The following HSD17B12 variants were observed in gnomAD, a reference collection of about 807,000 sequenced individuals.
The protein encoded by HSD17B12 is very-long-chain 3-oxoacyl-CoA reductase.
HSD17B12 carries 32 observed loss-of-function variants against 39.3 expected under a neutral mutation model. The observed-to-expected ratio is 0.81, with a 90% CI of 0.61 to 1.09. HSD17B12 has a LOEUF of 1.09. HSD17B12 is among the 50% of genes least tolerant of loss of function. The pLI is 0.00. For synonymous variants in HSD17B12, 150 were observed against 146.7 expected (o/e 1.02, Z -0.16); for missense variants, 342 against 382.9 (o/e 0.89, Z 0.89).
chr11:43,712,365 T>G (rs930767678), intron 1 of HSD17B12, among the ~76,000 whole-genome samples: 2 of 151,984 alleles, frequency 1.3e-5, no homozygotes, highest in African/African-American at 4.8e-5. Context: ...AGGCGGAGGT[T>G]GTAGTGAGCT....
chr11:43,558,564 G>C, the HSD17B12 span, among the ~76,000 whole-genome samples: 1 of 152,202 alleles, frequency 6.6e-6, no homozygotes, highest in Admixed American at 6.5e-5. Context: ...GGAACACAGG[G>C]GGAGGAGGGA....
chr11:43,569,151 G>C, the HSD17B12 span, among the ~76,000 whole-genome samples: 1 of 152,106 alleles, frequency 6.6e-6, no homozygotes, highest in Non-Finnish European at 1.5e-5. Context: ...CTGGGGTTCG[G>C]GTCTCCAATT....
At chr11:43,746,118 G>A (rs1056510388) in intron 1 of HSD17B12, among the ~76,000 whole-genome samples, 20 of 152,178 alleles carry the variant, frequency 1.3e-4, no homozygotes, top group African/African-American at 4.1e-4. Context: ...TGAGTGAGTG[G>A]TGAGTGAATG....
At chr11:43,635,288 G>C in the HSD17B12 span, among the ~76,000 whole-genome samples, 4 of 152,082 alleles carry the variant, frequency 2.6e-5, no homozygotes, top group East Asian at 3.9e-4. Flanking sequence ...AATATTTTTT[G>C]TGCATGCACA....
intron 3 of HSD17B12, among the ~76,000 whole-genome samples, chr11:43,793,147 G>C (rs1382158138): frequency 6.6e-6 from 1 of 152,154 alleles, no homozygotes; most frequent in African/African-American, 2.4e-5. Context: ...GCAGAGAGTG[G>C]AAGTAGCTTT....
the HSD17B12 span, among the ~76,000 whole-genome samples, chr11:43,666,042 C>A: frequency 6.6e-6 from 1 of 152,054 alleles, no homozygotes; most frequent in South Asian, 2.1e-4. Context: ...ACACCTGGCT[C>A]ACTTTTAAAT....
intron 1 of HSD17B12, among the ~76,000 whole-genome samples, chr11:43,735,340 TC>T (rs1950307154): frequency 6.6e-6 from 1 of 152,206 alleles, no homozygotes; most frequent in African/African-American, 2.4e-5. Flanking sequence ...TTTGAGGAAC[TC>T]CCAACCTGTT....
At chr11:43,679,099 C>G (rs1311057764), upstream of HSD17B12, among the ~76,000 whole-genome samples, 1 of 152,176 alleles carries the variant, frequency 6.6e-6, no homozygotes, top group African/African-American at 2.4e-5. Flanking sequence ...TTTGTGTCCT[C>G]TTTTATTTCG....
chr11:43,853,492 T>C (rs1951553282), intron 9 of HSD17B12: 1 of 152,210 alleles, frequency 6.6e-6, no homozygotes, highest in African/African-American at 2.4e-5. Context: ...TTTTCTTTAA[T>C]GGAAGTGTCA....
chr11:43,591,503 A>G, the HSD17B12 span, among the ~76,000 whole-genome samples: 1 of 152,316 alleles, frequency 6.6e-6, no homozygotes, highest in African/African-American at 2.4e-5. Flanking sequence ...TTTTAAAAAT[A>G]CAAATGCAAG....
intron 1 of HSD17B12, among the ~76,000 whole-genome samples, chr11:43,706,977 G>T (rs1203869527): frequency 6.6e-6 from 1 of 151,612 alleles, no homozygotes; most frequent in East Asian, 1.9e-4. Context: ...TGTCATTTCT[G>T]CCCCTTATTT....
intron 3 of HSD17B12, among the ~76,000 whole-genome samples, chr11:43,797,330 C>G (rs1338207290): frequency 6.6e-6 from 1 of 152,172 alleles, no homozygotes; most frequent in African/African-American, 2.4e-5. Flanking sequence ...ATAAGCATTC[C>G]TAGCTCACTG....
At chr11:43,722,454 G>A (rs1434295719) in intron 1 of HSD17B12, among the ~76,000 whole-genome samples, 2 of 152,180 alleles carry the variant, frequency 1.3e-5, no homozygotes, top group Non-Finnish European at 2.9e-5. Context: ...ACTCACACCT[G>A]TAATCCCAGC....
chr11:43,557,854 C>T, the HSD17B12 span, among the ~76,000 whole-genome samples: 15 of 151,434 alleles, frequency 9.9e-5, 1 homozygote, highest in African/African-American at 3.7e-4. Context: ...CTTTGAGGGG[C>T]TGGTGCTGTA....
Position 43,727,569 on chromosome 11 carries a change from C to T in HSD17B12, c.161-23342C>T, listed in dbSNP as rs368354604. Among the ~76,000 whole-genome samples the T allele has an allele frequency of 7.5e-4, 114 of 151,940 alleles. 1 individual carries two copies. In the South Asian group the frequency reaches 0.023, roughly 31 times the overall value. On this transcript the variant is annotated intron_variant, in intron 1 of 10. Coordinates refer to ENST00000278353, the MANE Select transcript of HSD17B12 (RefSeq NM_016142.3). ...TCCTGGTCTCAACTGATTTTCCTGCCTCAGCCTCCTGAGTAGCTGGGATTA... is the reference window on the plus strand; with the variant it reads ...TCCTGGTCTCAACTGATTTTCCTGCTTCAGCCTCCTGAGTAGCTGGGATTA...
At chr11:43,701,604 A>G (rs1435920772) in intron 1 of HSD17B12, among the ~76,000 whole-genome samples, 1 of 152,126 alleles carries the variant, frequency 6.6e-6, no homozygotes, top group Non-Finnish European at 1.5e-5. Context: ...TCTTCAGTAT[A>G]TTCTTGGCAC....
At chr11:43,598,847 G>A in the HSD17B12 span, among the ~76,000 whole-genome samples, 1 of 152,178 alleles carries the variant, frequency 6.6e-6, no homozygotes, top group African/African-American at 2.4e-5. Flanking sequence ...ATATGTACCT[G>A]TGTGGGGGTG....
the HSD17B12 span, among the ~76,000 whole-genome samples, chr11:43,588,368 G>A: frequency 2.0e-5 from 3 of 152,138 alleles, no homozygotes; most frequent in African/African-American, 7.2e-5. Context: ...GATTGTGGGA[G>A]GACAGGATGA....
the HSD17B12 span, among the ~76,000 whole-genome samples, chr11:43,571,460 T>C: frequency 0.15 from 22,698 of 152,182 alleles, 2,047 homozygotes; most frequent in Middle Eastern, 0.36. Context: ...ACTCTAGGTA[T>C]TCCTGAGTGA....
Sources: allele counts gnomAD v4.1 joint callset (sites outside exome capture counted in the v4.1 genomes callset), GRCh38; gene constraint gnomAD v4.1.1; transcripts MANE v1.5; gene names NCBI Gene and HGNC (gene_info 2026-07-23, HGNC 2026-07-21).